CBX2: variants seen among roughly 807,000 people sequenced by gnomAD.
CBX2 encodes the protein chromobox 2.
A neutral mutation model predicts 21.0 loss-of-function variants in CBX2; 11 were observed. The ratio of observed to expected loss-of-function variants is 0.52; its 90% CI spans 0.33 to 0.87. The LOEUF (loss-of-function observed/expected upper bound fraction) is 0.87, where lower values mean the gene tolerates loss of function less well. CBX2 is among the 40% of genes least tolerant of loss of function. The probability of loss-of-function intolerance (pLI) is 0.02; values close to 1 mark genes in which losing one functional copy is unlikely to be tolerated. For missense variants in CBX2, 746 were observed against 724.3 expected (o/e 1.03, Z -0.34); for synonymous variants, 364 against 304.6 (o/e 1.19, Z -2.03).
chr17:79,780,364 G>A (rs1016489880), intron 3 of CBX2, among the ~76,000 whole-genome samples: 3 of 152,236 alleles, frequency 2.0e-5, no homozygotes, highest in Non-Finnish European at 4.4e-5. Flanking sequence ...TGATAATGGG[G>A]AAATAGAGTT....
rs782049122 is a variant in CBX2 at position 79,785,013 on chromosome 17, G to A, written c.1570G>A (p.Val524Met). The A allele has an allele frequency of 9.4e-6, 15 of 1,602,152 alleles. No homozygotes were observed. The highest frequency in any genetic ancestry group is 1.2e-5 in the Non-Finnish European group (14 of 1,179,964). ...CACAGTGAAGGAGTCTCCCACCAGCGTGGGCTTCTTCAACCTGAGGCATTA... is the reference window on the plus strand; with the variant it reads ...CACAGTGAAGGAGTCTCCCACCAGCATGGGCTTCTTCAACCTGAGGCATTA... ...TVTVKESPTS[V>M]GFFNLRHY is the part of the protein sequence containing the mutation. Residue 524 changes from valine to methionine, a missense_variant, in exon 5 of 5, where the codon GTG (valine) becomes ATG (methionine). Val to Met is a conservative substitution (Grantham distance 21). Coordinates refer to ENST00000310942, the MANE Select transcript of CBX2 (RefSeq NM_005189.3).
chr17:79,783,076 G>C (rs1907353388), intron 4 of CBX2, among the ~76,000 whole-genome samples: 1 of 152,186 alleles, frequency 6.6e-6, no homozygotes, highest in African/African-American at 2.4e-5. Flanking sequence ...TGATGCTCTG[G>C]ATACAGTTCC....
In CBX2 at chr17:79,778,157, T is replaced by G; in HGVS notation, c.-79T>G. 7 of 793,314 alleles carry G rather than the reference T, an allele frequency of 8.8e-6. No homozygotes were observed. The highest frequency in any genetic ancestry group is 1.1e-5 in the Non-Finnish European group (7 of 626,566). 49.1% of individuals were successfully genotyped at this position (793,314 alleles called of 1,614,324 possible). A position where few individuals can be genotyped will look rare whatever the true frequency, so the allele number is the denominator to read the frequency against. ...GGCGCCGGGCGGGGGCGGTGCTTTGTGTGCTGCCGGCGGGGCGCGCGGCGG... is the reference window on the plus strand; with the variant it reads ...GGCGCCGGGCGGGGGCGGTGCTTTGGGTGCTGCCGGCGGGGCGCGCGGCGG... On this transcript the variant is annotated 5_prime_UTR_variant, in exon 1 of 5. Coordinates refer to ENST00000310942, the MANE Select transcript of CBX2 (RefSeq NM_005189.3). The surrounding 1 kb of genome is among the most constrained non-coding windows in gnomAD (Gnocchi z 4.8).
intron 4 of CBX2, among the ~76,000 whole-genome samples, 161 bp from the exon 5 acceptor site, chr17:79,783,571 G>A (rs528415010): frequency 6.6e-5 from 10 of 151,522 alleles, no homozygotes; most frequent in African/African-American, 1.5e-4. Context: ...CACAACACCC[G>A]GCTAATTTTT....
chr17:79,779,801 T>TTGCCACAGTGACGCAGGTC (rs1568499302), intron 3 of CBX2: 1 of 314,080 alleles, frequency 3.2e-6, no homozygotes, highest in African/African-American at 2.1e-5. Context: ...GAGAGCAGGT[T>TTGCCACAGTGACGCAGGTC]TGCCACAGTG....
rs1555832243 is a variant in CBX2 at position 79,787,162 on chromosome 17, TC to T, written c.*2121del. On this transcript the variant is annotated 3_prime_UTR_variant, in exon 5 of 5. Transcript: ENST00000310942. ...GCCTCAGGCACCAGCCTCCCTGTGC[TC>T]GACAGCAAAGTCTTGACTCCTTCCT... is the stretch of plus-strand genomic sequence containing the variant. 2.0e-5 allele frequency: 3 copies of T among 152,360 alleles called. No homozygotes were observed. The highest frequency in any genetic ancestry group is 4.4e-5 in the Non-Finnish European group (3 of 68,088). The allele number at this position is 152,360 out of a possible 1,614,324, so 9.4% of individuals were successfully genotyped here.
chr17:79,782,367 G>C (rs1355297098), intron 4 of CBX2: 1 of 1,435,634 alleles, frequency 7.0e-7, no homozygotes, highest in South Asian at 1.4e-5. Flanking sequence ...ACCCCTCCTC[G>C]CTACAGTGAT....
rs374620699 is a variant in CBX2, at chr17:79,780,524, G to A, written c.182+1097G>A. Among the ~76,000 whole-genome samples, 174 of 152,210 alleles carry A rather than the reference G, an allele frequency of 1.1e-3. 1 individual carries two copies. The Middle Eastern group carries it at 0.034, about 30-fold the overall frequency. ...GGCTTGGCCCACTTCAGAGGCTGGTGCGCTTCTCTGGATCTAAGACGGTGT... is the reference window on the plus strand; with the variant it reads ...GGCTTGGCCCACTTCAGAGGCTGGTACGCTTCTCTGGATCTAAGACGGTGT... On this transcript the variant is annotated intron_variant, in intron 3 of 4. Coordinates refer to ENST00000310942, the MANE Select transcript of CBX2 (RefSeq NM_005189.3).
chr17:79,784,156 TGAA>T lies in CBX2; in HGVS notation c.715_717del (p.Lys239del). 6.2e-7 allele frequency: 1 copy of T among 1,612,610 alleles called. No homozygotes were observed. The stretch of plus-strand genomic sequence containing the variant: ...ACCCCAGAGAACCTGGCCAGCCTAA[TGAA>T]GGGCATGGCCAGTAGCCCCGGCCGG... On this transcript the variant is annotated inframe_deletion, in exon 5 of 5. Coordinates refer to ENST00000310942, the MANE Select transcript of CBX2 (RefSeq NM_005189.3). The surrounding 1 kb of genome is among the most constrained non-coding windows in gnomAD (Gnocchi z 5.9).
In CBX2 at chr17:79,784,867, C is replaced by T. The variant is rs782268229; in HGVS notation, c.1424C>T (p.Ser475Leu). 21 of 1,613,264 alleles carry T rather than the reference C, an allele frequency of 1.3e-5. No individual in the cohort carries two copies. Among genetic ancestry groups the T allele is most frequent in the South Asian group, 5.5e-5 (5 of 91,078 alleles). ...SSSDSDPDSASPPSTGQNPSV... is the reference protein window; with the variant it reads ...SSSDSDPDSALPPSTGQNPSV... ...TCGGACTCCGACCCCGACTCCGCCT[C>T]GCCGCCCAGCACTGGACAGAACCCG... is the stretch of plus-strand genomic sequence containing the variant. Residue 475 changes from serine to leucine, a missense_variant, in exon 5 of 5, where the codon TCG becomes TTG. Coordinates refer to ENST00000310942, the MANE Select transcript of CBX2 (RefSeq NM_005189.3). This position sits in a 1 kb window ranked among gnomAD's most constrained non-coding sequence, Gnocchi z 5.9.
rs568793911 is a variant in CBX2 at position 79,784,792 on chromosome 17, G to T, written c.1349G>T (p.Arg450Leu). Residue 450 changes from arginine to leucine, a missense_variant, in exon 5 of 5, where the codon CGC (arginine) becomes CTC (leucine). Arg to Leu is a moderately radical substitution (Grantham distance 102). Transcript: ENST00000310942. The surrounding 1 kb of genome is among the most constrained non-coding windows in gnomAD (Gnocchi z 5.9). ...QESRTAPGEA[R>L]KAATLPEMSA... is the part of the protein sequence containing the mutation. ...AGCCGCACAGCCCCCGGAGAAGCCCGCAAGGCGGCCACACTGCCAGAGATG... is the reference window on the plus strand; with the variant it reads ...AGCCGCACAGCCCCCGGAGAAGCCCTCAAGGCGGCCACACTGCCAGAGATG... 3.1e-6 allele frequency: 5 copies of T among 1,610,088 alleles called. No homozygotes were observed. In the South Asian group the frequency reaches 3.3e-5, roughly 11 times the overall value.
chr17:79,782,405 C>A, intron 4 of CBX2: 1 of 1,361,798 alleles, frequency 7.3e-7, no homozygotes, highest in Non-Finnish European at 9.5e-7. Flanking sequence ...GGTATGCATG[C>A]GCCCCTGGGG....
chr17:79,781,330 G>A (rs1555830167), intron 3 of CBX2, among the ~76,000 whole-genome samples: 1 of 152,152 alleles, frequency 6.6e-6, no homozygotes, highest in African/African-American at 2.4e-5. Flanking sequence ...CCTATTGAAA[G>A]TAAGGAGGTT....
rs966628472 is a variant in CBX2 at position 79,787,335 on chromosome 17, G to A, written c.*2293G>A. On this transcript the variant is annotated 3_prime_UTR_variant, in exon 5 of 5. Coordinates refer to ENST00000310942, the MANE Select transcript of CBX2 (RefSeq NM_005189.3). ...CAGGCCAGATTCCTCCCCAGCAGCC[G>A]GGTCTCTCCAGACCCTGATTCGGTG... 29 of 152,660 alleles carry A rather than the reference G, an allele frequency of 1.9e-4. No homozygotes were observed. Among genetic ancestry groups the A allele is most frequent in the African/African-American group, 6.3e-4 (26 of 41,450 alleles). 9.5% of individuals were successfully genotyped at this position (152,660 alleles called of 1,614,324 possible).
chr17:79,782,379 G>T, intron 4 of CBX2: 1 of 1,411,598 alleles, frequency 7.1e-7, no homozygotes, highest in Non-Finnish European at 9.3e-7. Flanking sequence ...TACAGTGATG[G>T]GCTCACCCCG....
Position 79,784,332 on chromosome 17 carries a change from G to A in CBX2, c.889G>A (p.Gly297Arg), listed in dbSNP as rs781929692. ...GGACCTGAAGGTGAGGACGCAGAAA[G>A]GGGAGCTGGGAATGAGCCCTCCAGG... ...GLDLKVRTQK[G>R]ELGMSPPGSK... The change falls in exon 5 of 5, where the codon GGG (glycine) becomes AGG (arginine). Residue 297 changes from glycine (G) to arginine (R), a missense_variant. Physicochemically the swap from Gly to Arg is moderately radical, Grantham distance 125. Around this residue, in one of 2 missense-constraint regions of CBX2, gnomAD observed 701 missense variants for 650.7 expected, o/e 1.08. Transcript: ENST00000310942. The surrounding 1 kb of genome is among the most constrained non-coding windows in gnomAD (Gnocchi z 5.9). The A allele has an allele frequency of 3.7e-6, 6 of 1,613,158 alleles. No homozygotes were observed. In the Admixed American group the frequency reaches 6.7e-5, roughly 18 times the overall value.
chr17:79,778,124 G>C, upstream of CBX2: 1 of 354,554 alleles, frequency 2.8e-6, no homozygotes, highest in Non-Finnish European at 3.9e-6. This position sits in a 1 kb window ranked among gnomAD's most constrained non-coding sequence, Gnocchi z 4.8. Flanking sequence ...GCGTGCGCGG[G>C]GCGGGCCGGC....
At position 79,787,588 on chromosome 17, in the gene CBX2, G is replaced by T. The variant is rs117180275; in HGVS notation, c.*2546G>T. ...TATTTTTATTTGCTGCTATTTGTGT[G>T]TGTGTTTGTGTTTGTGTAGCTAGGT... On this transcript the variant is annotated 3_prime_UTR_variant, in exon 5 of 5. Coordinates refer to ENST00000310942, the MANE Select transcript of CBX2 (RefSeq NM_005189.3). 0.034 allele frequency: 5,227 copies of T among 152,552 alleles called. 123 individuals are homozygous for T. Among genetic ancestry groups the T allele is most frequent in the Non-Finnish European group, 0.055 (3,728 of 68,030 alleles). The allele number at this position is 152,552 out of a possible 1,614,324, so 9.4% of individuals were successfully genotyped here. A position where few individuals can be genotyped will look rare whatever the true frequency, so the allele number is the denominator to read the frequency against.
chr17:79,782,268 T>G (rs949056850), intron 4 of CBX2: 65 of 1,554,184 alleles, frequency 4.2e-5, no homozygotes, highest in Non-Finnish European at 5.0e-5. Context: ...GCTGACTGAA[T>G]AGCCAGGGGG....
Sources: allele counts gnomAD v4.1 joint callset (sites outside exome capture counted in the v4.1 genomes callset), GRCh38; gene constraint gnomAD v4.1.1; regional missense constraint gnomAD v4.1.1; non-coding constraint Gnocchi (gnomAD v3.1); transcripts MANE v1.5; gene names NCBI Gene and HGNC (gene_info 2026-07-23, HGNC 2026-07-21).